The following RBFOX1 variants were observed in gnomAD, a reference collection of about 807,000 sequenced individuals.
RBFOX1 encodes RNA binding protein fox-1 homolog 1.
In RBFOX1, 8 loss-of-function variants were observed where a neutral mutation model predicts 57.7. That is an observed-to-expected ratio of 0.14 (90% CI 0.08 to 0.25). The LOEUF is 0.25. Ranked by LOEUF, RBFOX1 falls within the 10% of genes least tolerant of loss-of-function variation. RBFOX1 has a pLI of 1.00. For missense variants in RBFOX1, 611 were observed against 548.5 expected, an observed-to-expected ratio of 1.11 and a Z score of -1.14; for synonymous variants, 326 against 222.4, an observed-to-expected ratio of 1.47 and a Z score of -4.15.
At chr16:5,542,684 T>G (rs1328347000) in intron 2 of RBFOX1, among the ~76,000 whole-genome samples, 1 of 152,168 alleles carries the variant, frequency 6.6e-6, no homozygotes, top group Non-Finnish European at 1.5e-5. Context: ...GCATGGAGTT[T>G]TAGCAAGGAG....
intron 1 of RBFOX1, among the ~76,000 whole-genome samples, chr16:5,386,601 C>A (rs780718868): frequency 7.2e-5 from 11 of 152,168 alleles, no homozygotes; most frequent in Non-Finnish European, 1.6e-4. Context: ...CCTTGTGTGA[C>A]CTTACCCTTG....
intron 1 of RBFOX1, among the ~76,000 whole-genome samples, chr16:6,088,808 A>G (rs973641274): frequency 3.3e-5 from 5 of 152,198 alleles, no homozygotes; most frequent in Admixed American, 1.3e-4. Flanking sequence ...AAAAAGATCT[A>G]TGATCCGGCC....
chr16:6,377,070 C>T (rs749076217), intron 2 of RBFOX1, among the ~76,000 whole-genome samples: 16 of 151,542 alleles, frequency 1.1e-4, no homozygotes, highest in Admixed American at 7.2e-4. Flanking sequence ...CTCAGGAGTT[C>T]GATACCAGCC....
chr16:5,831,905 G>A (rs974031055), intron 3 of RBFOX1, among the ~76,000 whole-genome samples: 20 of 152,164 alleles, frequency 1.3e-4, no homozygotes, highest in Admixed American at 3.9e-4. Flanking sequence ...GTCACCCCAA[G>A]TTTCTACTGC....
rs1446257804 is a variant in RBFOX1 at position 6,676,516 on chromosome 16, A to G, written c.-16+21866A>G. Among the ~76,000 whole-genome samples the G allele has an allele frequency of 2.0e-5, 3 of 152,112 alleles. No individual in the cohort carries two copies. The East Asian group carries it at 5.8e-4, about 29-fold the overall frequency. ...TGGGAATGAAAACTTTGACTTGATC[A>G]TTACACATTCTATGCATATAATCCA... On this transcript the variant is annotated intron_variant, in intron 3 of 15. Transcript: ENST00000550418.
chr16:7,513,224 T>C (rs1028572210), intron 4 of RBFOX1, among the ~76,000 whole-genome samples: 5 of 151,902 alleles, frequency 3.3e-5, no homozygotes, highest in East Asian at 1.9e-4. Context: ...GAGCCTACCA[T>C]TGCACTCCAG....
intron 2 of RBFOX1, among the ~76,000 whole-genome samples, chr16:6,529,486 C>T (rs2096626605): frequency 1.3e-5 from 2 of 151,890 alleles, no homozygotes; most frequent in South Asian, 4.2e-4. Flanking sequence ...TTGAACCTAG[C>T]AGGCAGAGGT....
At chr16:5,962,046 G>C (rs552766431) in intron 4 of RBFOX1, among the ~76,000 whole-genome samples, 1 of 152,094 alleles carries the variant, frequency 6.6e-6, no homozygotes, top group African/African-American at 2.4e-5. Context: ...TCCTGTTCTC[G>C]TGGTACAAAA....
chr16:7,507,895 A>G (rs1159002792), intron 4 of RBFOX1, among the ~76,000 whole-genome samples: 1 of 149,904 alleles, frequency 6.7e-6, no homozygotes, highest in East Asian at 2.0e-4. Flanking sequence ...ATACATAAGG[A>G]GCTCATGCTC....
At chr16:6,557,785 C>G (rs2097125853) in intron 2 of RBFOX1, among the ~76,000 whole-genome samples, 1 of 152,132 alleles carries the variant, frequency 6.6e-6, no homozygotes, top group Non-Finnish European at 1.5e-5. Context: ...CATGTCAAGG[C>G]AATGTTTTAT....
intron 2 of RBFOX1, among the ~76,000 whole-genome samples, chr16:6,591,430 G>C (rs1016811375): frequency 6.6e-6 from 1 of 152,102 alleles, no homozygotes; most frequent in Non-Finnish European, 1.5e-5. Context: ...CTCCAGTCTG[G>C]GTGTCGTAGT....
At chr16:6,224,698 A>T (rs1411847587) in intron 1 of RBFOX1, among the ~76,000 whole-genome samples, 1 of 152,164 alleles carries the variant, frequency 6.6e-6, no homozygotes. Context: ...TGACAGAAGC[A>T]ACAATCAGAT....
At chr16:5,339,015 T>C (rs1361338882) in intron 1 of RBFOX1, among the ~76,000 whole-genome samples, 2 of 152,192 alleles carry the variant, frequency 1.3e-5, no homozygotes, top group Admixed American at 1.3e-4. Context: ...ACTTTTTTTT[T>C]TGTGGCAAGA....
intron 2 of RBFOX1, among the ~76,000 whole-genome samples, chr16:6,632,992 T>TA (rs1352877530): frequency 6.6e-6 from 1 of 152,028 alleles, no homozygotes; most frequent in Non-Finnish European, 1.5e-5. Flanking sequence ...TAAATAAATA[T>TA]AAAAAGGAGA....
intron 1 of RBFOX1, among the ~76,000 whole-genome samples, chr16:6,177,336 C>T (rs1157219614): frequency 6.6e-6 from 1 of 152,042 alleles, no homozygotes; most frequent in Admixed American, 6.6e-5. Context: ...TTTCCTCTTC[C>T]CAGTGAAGTC....
chr16:7,226,326 T>G (rs1466329733), intron 4 of RBFOX1, among the ~76,000 whole-genome samples: 1 of 152,198 alleles, frequency 6.6e-6, no homozygotes, highest in Non-Finnish European at 1.5e-5. Context: ...GAAGAGGTTC[T>G]TCTTCAAAGA....
intron 1 of RBFOX1, among the ~76,000 whole-genome samples, chr16:6,276,883 T>C (rs1265122039): frequency 6.6e-6 from 1 of 152,066 alleles, no homozygotes; most frequent in Non-Finnish European, 1.5e-5. Context: ...AGGACCATGC[T>C]CATTTTATTT....
At chr16:6,864,541 C>T (rs562720453) in intron 3 of RBFOX1, among the ~76,000 whole-genome samples, 1 of 147,260 alleles carries the variant, frequency 6.8e-6, no homozygotes, top group Non-Finnish European at 1.5e-5. Flanking sequence ...CTATTCTCTC[C>T]TTCCTCTTTT....
chr16:5,676,927 A>C (rs997408922), intron 3 of RBFOX1, among the ~76,000 whole-genome samples: 1 of 152,210 alleles, frequency 6.6e-6, no homozygotes, highest in Non-Finnish European at 1.5e-5. Flanking sequence ...TTGGTGATTG[A>C]CTTTTATATT....
Sources: allele counts gnomAD v4.1 joint callset (sites outside exome capture counted in the v4.1 genomes callset), GRCh38; gene constraint gnomAD v4.1.1; transcripts MANE v1.5; gene names NCBI Gene and HGNC (gene_info 2026-07-23, HGNC 2026-07-21).